The following NMNAT2 variants were observed in gnomAD, a reference collection of about 807,000 sequenced individuals.
The protein encoded by NMNAT2 is nicotinamide nucleotide adenylyltransferase 2, also known as nicotinamide/nicotinic acid mononucleotide adenylyltransferase 2.
Under a neutral mutation model 41.6 loss-of-function variants are expected in NMNAT2, and 11 were observed. The ratio of observed to expected loss-of-function variants is 0.26; its 90% CI spans 0.17 to 0.44. NMNAT2 has a LOEUF of 0.44. Ranked by LOEUF, NMNAT2 falls within the 20% of genes least tolerant of loss-of-function variation. NMNAT2 has a pLI of 1.00. For missense variants in NMNAT2, 288 were observed against 407.7 expected (o/e 0.71, Z 2.53); for synonymous variants, 148 against 151.2 (o/e 0.98, Z 0.16).
chr1:183,307,448 TA>T (rs201208252), intron 1 of NMNAT2, among the ~76,000 whole-genome samples: 2 of 71,774 alleles, frequency 2.8e-5, no homozygotes, highest in South Asian at 4.1e-4. Context: ...CTGGAATGTA[TA>T]TTTTTTTTTT....
chr1:183,384,174 A>G (rs1277821524), intron 1 of NMNAT2, among the ~76,000 whole-genome samples: 1 of 149,484 alleles, frequency 6.7e-6, no homozygotes, highest in Non-Finnish European at 1.5e-5. Flanking sequence ...CAGAAGGAAG[A>G]TAGTGAACAA....
chr1:183,297,097 C>T (rs1301753562), intron 1 of NMNAT2, among the ~76,000 whole-genome samples: 1 of 150,224 alleles, frequency 6.7e-6, no homozygotes, highest in Non-Finnish European at 1.5e-5. Flanking sequence ...TCATTCAAAC[C>T]CAGCTCTACC....
At chr1:183,346,016 T>C (rs1167010352) in intron 1 of NMNAT2, among the ~76,000 whole-genome samples, 9 of 152,154 alleles carry the variant, frequency 5.9e-5, no homozygotes, top group Admixed American at 5.9e-4. Context: ...TTACCCAGTT[T>C]CAGGTACTGT....
At chr1:183,258,002 G>T (rs1341849555) in intron 10 of NMNAT2, among the ~76,000 whole-genome samples, 2 of 152,060 alleles carry the variant, frequency 1.3e-5, no homozygotes, top group Non-Finnish European at 2.9e-5. Context: ...TTTCCTCTTA[G>T]AACTATCCTT....
Position 183,404,063 on chromosome 1 carries a change from A to C in NMNAT2, c.85+14120T>G, listed in dbSNP as rs553793508. On this transcript the variant is annotated intron_variant, in intron 1 of 10. Transcript: ENST00000287713. ...TGATCAGCAGGAGTTTATCTCACCA[A>C]ACTGATAATAATTCAGGCAAAAGCC... 5.9e-5 allele frequency among the ~76,000 whole-genome samples: 9 copies of C among 152,152 alleles called. No homozygotes were observed. In the South Asian group the frequency reaches 1.9e-3, roughly 32 times the overall value.
intron 1 of NMNAT2, among the ~76,000 whole-genome samples, chr1:183,383,096 T>C (rs906455529): frequency 1.3e-5 from 2 of 152,224 alleles, no homozygotes; most frequent in Non-Finnish European, 2.9e-5. Flanking sequence ...CCTCAACTCT[T>C]GTCCTCTATG....
rs191456183 is a variant in NMNAT2 at position 183,308,479 on chromosome 1, C to T, written c.86-14686G>A. On this transcript the variant is annotated intron_variant, in intron 1 of 10. Coordinates refer to ENST00000287713, the MANE Select transcript of NMNAT2 (RefSeq NM_015039.4). ...GAATCCATACTACAGAAAAAACTTG[C>T]ACATGTGCACAGAGATGTATTCAAA... Among the ~76,000 whole-genome samples the T allele has an allele frequency of 2.5e-3, 388 of 152,296 alleles. 4 individuals are homozygous for T. Among genetic ancestry groups the T allele is most frequent in the African/African-American group, 9.0e-3 (376 of 41,564 alleles).
intron 7 of NMNAT2, among the ~76,000 whole-genome samples, chr1:183,282,370 G>A (rs1432584728): frequency 6.6e-6 from 1 of 152,206 alleles, no homozygotes; most frequent in Non-Finnish European, 1.5e-5. Context: ...CGAGGTAGCC[G>A]TGAGCTAATG....
chr1:183,304,810 G>A (rs1194502443), intron 1 of NMNAT2: 3 of 1,608,278 alleles, frequency 1.9e-6, no homozygotes, highest in South Asian at 1.1e-5. Flanking sequence ...ACAAAGTGGT[G>A]CAGCTGCTCC....
intron 1 of NMNAT2, among the ~76,000 whole-genome samples, chr1:183,338,223 A>AGAGCTATGATATG (rs61522654): frequency 2.7e-5 from 4 of 149,970 alleles, no homozygotes; most frequent in African/African-American, 9.9e-5. Context: ...CAGATCATTA[A>AGAGCTATGATATG]CCGTGAGGCA....
Position 183,341,742 on chromosome 1 carries a change from AAAAAAC to A in NMNAT2, c.86-47955_86-47950del, listed in dbSNP as rs1298131294. ...ACAAACACCAAAAAAAAAAAAAAAA[AAAAAAC>A]CTGTTTCCTTCACTCCAGGTTACTT... On this transcript the variant is annotated intron_variant, in intron 1 of 10. Transcript: ENST00000287713. Among the ~76,000 whole-genome samples the A allele has an allele frequency of 1.8e-4, 25 of 137,216 alleles. 4 individuals are homozygous for A. The highest frequency in any genetic ancestry group is 4.8e-4 in the African/African-American group (16 of 33,494). The allele number at this position is 137,216 out of a possible 152,430, so 90.0% of individuals were successfully genotyped here. A position where few individuals can be genotyped will look rare whatever the true frequency, so the allele number is the denominator to read the frequency against.
intron 1 of NMNAT2, among the ~76,000 whole-genome samples, chr1:183,296,824 T>A (rs1487200627): frequency 6.6e-6 from 1 of 152,248 alleles, no homozygotes; most frequent in Admixed American, 6.5e-5. Context: ...CCATATTTGC[T>A]TTTTAAAAGA....
At chr1:183,267,622 G>A (rs965326266) in intron 8 of NMNAT2, among the ~76,000 whole-genome samples, 6 of 152,136 alleles carry the variant, frequency 3.9e-5, no homozygotes, top group African/African-American at 1.4e-4. Context: ...GTGGGGGGGT[G>A]TAAGGGCAGA....
At chr1:183,397,296 T>A (rs1443866371) in intron 1 of NMNAT2, among the ~76,000 whole-genome samples, 2 of 152,136 alleles carry the variant, frequency 1.3e-5, no homozygotes, top group Non-Finnish European at 2.9e-5. Context: ...TTGACACAAG[T>A]TACCTAACGG....
intron 1 of NMNAT2, among the ~76,000 whole-genome samples, chr1:183,333,245 G>C (rs773840913): frequency 6.6e-6 from 1 of 152,118 alleles, no homozygotes; most frequent in Non-Finnish European, 1.5e-5. Flanking sequence ...AGGTCCTTGG[G>C]CCAAAAGAAA....
In NMNAT2 at chr1:183,307,880, C is replaced by T. The variant is rs1297460163; in HGVS notation, c.86-14087G>A. On this transcript the variant is annotated intron_variant, in intron 1 of 10. Transcript: ENST00000287713. ...TACAAGCATGAGCTGCCGCACCTGG[C>T]CCAAACGAAGTATTCTGAGTAATGT... Among the ~76,000 whole-genome samples the T allele has an allele frequency of 2.6e-5, 4 of 152,326 alleles. No individual in the cohort carries two copies. The East Asian group carries it at 7.7e-4, about 29-fold the overall frequency.
intron 1 of NMNAT2, among the ~76,000 whole-genome samples, chr1:183,307,772 G>A (rs1662028861): frequency 6.6e-6 from 1 of 152,140 alleles, no homozygotes; most frequent in South Asian, 2.1e-4. Flanking sequence ...AGTGGAGTCG[G>A]GGTTTCAACA....
At chr1:183,354,572 C>T (rs1051508128) in intron 1 of NMNAT2, among the ~76,000 whole-genome samples, 1 of 151,962 alleles carries the variant, frequency 6.6e-6, no homozygotes, top group Non-Finnish European at 1.5e-5. Flanking sequence ...CCACTATGCC[C>T]AGCTAATTTT....
At chr1:183,286,877 T>C (rs1661414930) in intron 4 of NMNAT2, 89 bp from the exon 5 acceptor site, 12 of 1,410,138 alleles carry the variant, frequency 8.5e-6, no homozygotes, top group East Asian at 4.9e-5. Context: ...TTGTCCATCA[T>C]GGAGAGGCCA....
Sources: gnomAD v4.1 joint callset for allele counts (sites outside exome capture counted in the v4.1 genomes callset) on GRCh38, gnomAD v4.1.1 for gene constraint, MANE v1.5 for transcripts, NCBI Gene and HGNC (gene_info 2026-07-23, HGNC 2026-07-21) for gene names.